Variants in CHAF1A observed in about 807,000 individuals in gnomAD.
The protein encoded by CHAF1A is chromatin assembly factor 1 subunit A.
In CHAF1A, 5 loss-of-function variants were observed where a neutral mutation model predicts 93.2. The observed-to-expected ratio is 0.05, with a 90% CI of 0.03 to 0.11. CHAF1A has a LOEUF of 0.11. CHAF1A is among the 10% of genes least tolerant of loss of function. CHAF1A has a pLI of 1.00. For missense variants in CHAF1A, 1,102 were observed against 1,259.9 expected, an observed-to-expected ratio of 0.87 and a Z score of 1.90; for synonymous variants, 504 against 510.3, an observed-to-expected ratio of 0.99 and a Z score of 0.17.
chr19:4,443,561 G>T (rs1161406554), downstream of CHAF1A, among the ~76,000 whole-genome samples: 1 of 152,174 alleles, frequency 6.6e-6, no homozygotes, highest in Non-Finnish European at 1.5e-5. Flanking sequence ...AGGCTGACCT[G>T]GGTCAAGGTG....
In CHAF1A at chr19:4,422,634, G is replaced by T; in HGVS notation, c.1086G>T (p.Glu362Asp). ...GGGAAGAAAAGGAGAAGCTGAAAGA[G>T]GAGGCCAAGCGGGCCAAGGAGGAGG... ...AEREEKEKLK[E>D]EAKRAKEEAK... The change falls in exon 5 of 15, where the codon GAG becomes GAT. Residue 362 changes from glutamate (E) to aspartate (D), a missense_variant. Glu to Asp is a conservative substitution (Grantham distance 45, BLOSUM62 2). Around this residue, in one of 6 missense-constraint regions of CHAF1A, gnomAD observed 165 missense variants for 243.9 expected, o/e 0.68. Coordinates refer to ENST00000301280, the MANE Select transcript of CHAF1A (RefSeq NM_005483.3). This position sits in a 1 kb window ranked among gnomAD's most constrained non-coding sequence, Gnocchi z 4.6. 6.3e-7 allele frequency: 1 copy of T among 1,598,638 alleles called. No homozygotes were observed. The highest frequency in any genetic ancestry group is 1.1e-5 in the South Asian group (1 of 89,144).
At chr19:4,444,412 G>T (rs1005486161), downstream of CHAF1A, 1 of 152,258 alleles carries the variant, frequency 6.6e-6, no homozygotes, top group Non-Finnish European at 1.5e-5. Flanking sequence ...TCACAGCTTG[G>T]GGGTCAGAGT....
At chr19:4,446,735 A>G (rs1290461030), downstream of CHAF1A, 1 of 1,609,276 alleles carries the variant, frequency 6.2e-7, no homozygotes, top group Admixed American at 1.7e-5. Context: ...GCGTGGCAGG[A>G]CATGGGTGTC....
In CHAF1A at chr19:4,433,326, G is replaced by C. The variant is rs748083293; in HGVS notation, c.2460G>C (p.Val820=). ...KRPDFRMCWY[V]HPQVLQSFQQ... ...CTGACTTCAGGATGTGCTGGTACGT[G>C]CACCCGCAGGTGCTACAGAGCTTCC... Residue 820 remains valine (V), a synonymous_variant, in exon 13 of 15, where the codon GTG becomes GTC. Coordinates refer to ENST00000301280, the MANE Select transcript of CHAF1A (RefSeq NM_005483.3). The surrounding 1 kb of genome is among the most constrained non-coding windows in gnomAD (Gnocchi z 5.6). The C allele has an allele frequency of 1.2e-6, 2 of 1,614,060 alleles. No individual in the cohort carries two copies. Among genetic ancestry groups the C allele is most frequent in the Non-Finnish European group, 1.7e-6 (2 of 1,179,936 alleles).
At chr19:4,429,817 C>T in intron 10 of CHAF1A, 29 bp downstream of exon 10, 1 of 1,578,268 alleles carries the variant, frequency 6.3e-7, no homozygotes, top group South Asian at 1.1e-5. Flanking sequence ...TGTCTTCACT[C>T]ACAGACGGCT....
chr19:4,424,933 C>T (rs1974054657), intron 7 of CHAF1A, among the ~76,000 whole-genome samples: 1 of 152,184 alleles, frequency 6.6e-6, no homozygotes, highest in African/African-American at 2.4e-5. Flanking sequence ...CCGTGCCCGG[C>T]CTAATTTTTT....
In CHAF1A at chr19:4,402,783, C is replaced by T. The variant is rs867434823; in HGVS notation, c.21C>T (p.Cys7=). Residue 7 remains cysteine, a synonymous_variant, in exon 1 of 15, where the codon TGC becomes TGT. Coordinates refer to ENST00000301280, the MANE Select transcript of CHAF1A (RefSeq NM_005483.3). The part of the protein sequence containing the change: MLEELE[C]GAPGARGAAT... Reference sequence around the variant, plus strand: ...GGGCGATGCTGGAGGAGCTGGAGTGCGGGGCGCCCGGCGCCAGGGGAGCCG... The same window carrying T: ...GGGCGATGCTGGAGGAGCTGGAGTGTGGGGCGCCCGGCGCCAGGGGAGCCG... 1.7e-6 allele frequency: 2 copies of T among 1,204,692 alleles called. No homozygotes were observed. The highest frequency in any genetic ancestry group is 2.1e-6 in the Non-Finnish European group (2 of 970,456). The allele number at this position is 1,204,692 out of a possible 1,614,324, so 74.6% of individuals were successfully genotyped here.
chr19:4,404,374 T>G (rs932161293), intron 1 of CHAF1A, among the ~76,000 whole-genome samples: 3 of 152,202 alleles, frequency 2.0e-5, no homozygotes, highest in African/African-American at 7.2e-5. Flanking sequence ...CTGTTCCACT[T>G]GCACCAAAGC....
At chr19:4,428,929 T>A in intron 8 of CHAF1A, 39 bp downstream of exon 8, 1 of 1,553,742 alleles carries the variant, frequency 6.4e-7, no homozygotes, top group Non-Finnish European at 8.9e-7. Flanking sequence ...CCACTAGTGA[T>A]GCTGGAGGCC....
chr19:4,447,033 G>A (rs1974547795), downstream of CHAF1A: 1 of 1,079,656 alleles, frequency 9.3e-7, no homozygotes, highest in African/African-American at 1.6e-5. Context: ...GTCGACCCCT[G>A]GATGGGGCCC....
At chr19:4,421,526 C>T (rs1295916132) in intron 4 of CHAF1A, among the ~76,000 whole-genome samples, 1 of 152,036 alleles carries the variant, frequency 6.6e-6, no homozygotes, top group Non-Finnish European at 1.5e-5. Flanking sequence ...CCTATAATTC[C>T]AACACTTTGG....
At chr19:4,408,680 G>A (rs926614087) in intron 2 of CHAF1A, among the ~76,000 whole-genome samples, 1 of 150,730 alleles carries the variant, frequency 6.6e-6, no homozygotes, top group Non-Finnish European at 1.5e-5. Flanking sequence ...TCACCATTTT[G>A]GTCTGGCTGG....
intron 3 of CHAF1A, among the ~76,000 whole-genome samples, chr19:4,415,317 G>A (rs1000861638): frequency 6.6e-6 from 1 of 152,148 alleles, no homozygotes. Flanking sequence ...TTTGGTTGTT[G>A]GATATTACTG....
chr19:4,429,982 G>T, intron 10 of CHAF1A, 194 bp downstream of exon 10: 1 of 567,076 alleles, frequency 1.8e-6, no homozygotes, highest in Non-Finnish European at 3.1e-6. Context: ...CTCATCTGGT[G>T]ACACTCGCCC....
At chr19:4,432,272 C>G in intron 12 of CHAF1A, 65 bp downstream of exon 12, 1 of 1,511,230 alleles carries the variant, frequency 6.6e-7, no homozygotes, top group African/African-American at 1.4e-5. Flanking sequence ...GGGCTGAGGG[C>G]AAGAGTCACA....
intron 7 of CHAF1A, among the ~76,000 whole-genome samples, chr19:4,424,520 G>T (rs1423626672): frequency 1.3e-5 from 2 of 152,208 alleles, no homozygotes; most frequent in African/African-American, 4.8e-5. Flanking sequence ...CTGTAGTGCA[G>T]TTGCACAATC....
At chr19:4,420,175 C>CCCATATT in intron 4 of CHAF1A, among the ~76,000 whole-genome samples, 1 of 152,254 alleles carries the variant, frequency 6.6e-6, no homozygotes, top group South Asian at 2.1e-4. Flanking sequence ...GTGTGGGAAG[C>CCCATATT]CCATATTGGA....
intron 7 of CHAF1A, among the ~76,000 whole-genome samples, chr19:4,425,583 G>T (rs1318275486): frequency 6.6e-6 from 1 of 152,176 alleles, no homozygotes; most frequent in Admixed American, 6.5e-5. Flanking sequence ...CTGGTCTCAA[G>T]CATTTCTCTC....
At chr19:4,412,368 C>A (rs1034822341) in intron 3 of CHAF1A, among the ~76,000 whole-genome samples, 2 of 152,162 alleles carry the variant, frequency 1.3e-5, no homozygotes, top group African/African-American at 2.4e-5. Flanking sequence ...TATGGAGAAA[C>A]CCCGTCTCTA....
Sources: gnomAD v4.1 joint callset for allele counts (sites outside exome capture counted in the v4.1 genomes callset) on GRCh38, gnomAD v4.1.1 for gene constraint, gnomAD v4.1.1 regional missense constraint, Gnocchi (gnomAD v3.1) non-coding constraint, MANE v1.5 for transcripts, NCBI Gene and HGNC (gene_info 2026-07-23, HGNC 2026-07-21) for gene names.